Variants in KIF15 observed in about 807,000 individuals in gnomAD.
KIF15 encodes the protein kinesin-like protein KIF15.
Under a neutral mutation model 190.6 loss-of-function variants are expected in KIF15, and 140 were observed. The ratio of observed to expected loss-of-function variants is 0.73; its 90% CI spans 0.64 to 0.84. The LOEUF is 0.84. Among genes scored for constraint, KIF15 ranks in the 40% least tolerant of loss-of-function variants. KIF15 has a pLI of 0.00. For synonymous variants in KIF15, 528 were observed against 551.3 expected, an observed-to-expected ratio of 0.96 and a Z score of 0.59; for missense variants, 1,372 against 1,584.4, an observed-to-expected ratio of 0.87 and a Z score of 2.28.
rs994784719 is a variant in KIF15, at chr3:44,829,868, A to G, written c.2944-103A>G. ...ACATACGATCTTTTACTAAAATAAA[A>G]TTGACTTATATTGCCATTAGGAAAG... On this transcript the variant is annotated intron_variant, in intron 24 of 34. Transcript: ENST00000326047. 6 of 335,692 alleles carry G rather than the reference A, an allele frequency of 1.8e-5. No individual in the cohort carries two copies. The Admixed American group carries it at 2.6e-4, about 14-fold the overall frequency. 20.8% of individuals were successfully genotyped at this position (335,692 alleles called of 1,614,324 possible).
intron 17 of KIF15, 78 bp from the exon 18 acceptor site, chr3:44,812,104 T>C: frequency 9.1e-7 from 1 of 1,093,772 alleles, no homozygotes; most frequent in South Asian, 1.4e-5. Flanking sequence ...TTGTTGTCTC[T>C]TTAATGCAGA....
intron 6 of KIF15, chr3:44,865,137 A>G (rs1699307686): frequency 6.2e-7 from 1 of 1,614,132 alleles, no homozygotes; most frequent in Non-Finnish European, 8.5e-7. Context: ...ATCCACAGGA[A>G]GCTCCCACCC....
At chr3:44,796,512 A>G (rs1706984234) in intron 8 of KIF15, among the ~76,000 whole-genome samples, 1 of 152,220 alleles carries the variant, frequency 6.6e-6, no homozygotes, top group South Asian at 2.1e-4. Flanking sequence ...CAGCTAATAA[A>G]GGTAGAGCTG....
At chr3:44,799,623 A>G (rs1482471241) in intron 10 of KIF15, among the ~76,000 whole-genome samples, 1 of 147,126 alleles carries the variant, frequency 6.8e-6, no homozygotes, top group Non-Finnish European at 1.5e-5. Context: ...AGTGGCGCAC[A>G]TGTGTGACCT....
intron 7 of KIF15, among the ~76,000 whole-genome samples, chr3:44,790,009 A>G (rs1356850541): frequency 6.6e-6 from 1 of 152,134 alleles, no homozygotes; most frequent in East Asian, 1.9e-4. Context: ...GATGGCAGTC[A>G]TGGTGTTGGG....
Position 44,774,436 on chromosome 3 carries a change from A to C in KIF15, c.61A>C (p.Ser21Arg). 6.2e-7 allele frequency: 1 copy of C among 1,612,492 alleles called. No individual in the cohort carries two copies. The highest frequency in any genetic ancestry group is 8.5e-7 in the Non-Finnish European group (1 of 1,178,858). ...SVTNGQSNQP[S>R]NEGDAIKVFV... ...GACAAATGGTCAGTCTAACCAACCA[A>C]GGTAAGGAGAAAAATATTCTCAATG... The change falls in exon 2 of 35, where the codon AGT becomes CGT. Residue 21 changes from serine (S) to arginine (R), a missense_variant and splice_region_variant. Coordinates refer to ENST00000326047, the MANE Select transcript of KIF15 (RefSeq NM_020242.3).
At chr3:44,792,147 A>C (rs1410569972) in intron 7 of KIF15, among the ~76,000 whole-genome samples, 1 of 152,168 alleles carries the variant, frequency 6.6e-6, no homozygotes, top group Non-Finnish European at 1.5e-5. Context: ...TTAATGTTAT[A>C]AAAAGAAAGC....
chr3:44,850,720 T>TC (rs140597076), intron 32 of KIF15, among the ~76,000 whole-genome samples: 1,776 of 152,312 alleles, frequency 0.012, 32 homozygotes, highest in African/African-American at 0.039. Context: ...CCCCAGACTG[T>TC]CCTTCTGAGA....
chr3:44,797,449 C>A, intron 8 of KIF15, 102 bp from the exon 9 acceptor site: 1 of 1,187,412 alleles, frequency 8.4e-7, no homozygotes. Context: ...CCCTGACTTG[C>A]CTTTTCATCC....
chr3:44,809,120 C>T (rs1301235710), intron 16 of KIF15, among the ~76,000 whole-genome samples: 2 of 152,162 alleles, frequency 1.3e-5, no homozygotes, highest in African/African-American at 4.8e-5. Context: ...CAGCACTGTC[C>T]GCAGGAACTG....
chr3:44,838,044 A>G (rs190485449), intron 26 of KIF15, among the ~76,000 whole-genome samples: 110 of 152,320 alleles, frequency 7.2e-4, no homozygotes, highest in African/African-American at 2.6e-3. Context: ...GAGTACAGTT[A>G]AACCTCAATT....
At chr3:44,835,564 C>A (rs1352577800) in intron 26 of KIF15, among the ~76,000 whole-genome samples, 1 of 152,014 alleles carries the variant, frequency 6.6e-6, no homozygotes, top group African/African-American at 2.4e-5. Flanking sequence ...GTATAAAAAA[C>A]TGATGATTTT....
chr3:44,861,840 T>A, intron 6 of KIF15: 1 of 1,381,506 alleles, frequency 7.2e-7, no homozygotes, highest in Non-Finnish European at 9.8e-7. Context: ...CACAGGAGCG[T>A]CGCGTCACGT....
At chr3:44,821,316 T>C (rs1487914116) in intron 20 of KIF15, among the ~76,000 whole-genome samples, 3 of 149,768 alleles carry the variant, frequency 2.0e-5, no homozygotes, top group South Asian at 2.1e-4. Flanking sequence ...GACCCCCACC[T>C]CCTTCCTGGA....
At chr3:44,792,748 G>A (rs1019397478) in intron 7 of KIF15, among the ~76,000 whole-genome samples, 4 of 152,016 alleles carry the variant, frequency 2.6e-5, no homozygotes, top group Admixed American at 6.5e-5. Context: ...GGGTTTCACC[G>A]TGTTAGCCAG....
chr3:44,799,558 CA>C (rs1707159562), intron 10 of KIF15, among the ~76,000 whole-genome samples: 1 of 149,698 alleles, frequency 6.7e-6, no homozygotes, highest in Non-Finnish European at 1.5e-5. Context: ...TTTAATTAAT[CA>C]ACTTTTTTTT....
chr3:44,812,306 A>G lies in KIF15; in HGVS notation c.2277+17A>G, dbSNP rs771022417. 10 of 1,568,682 alleles carry G rather than the reference A, an allele frequency of 6.4e-6. No homozygotes were observed. Among genetic ancestry groups the G allele is most frequent in the Admixed American group, 1.7e-5 (1 of 59,090 alleles). ...ATGCAGGAGGTGAGACCAAGAGCAC[A>G]GCCTCAGAAAATGTATGAAGTACCC... On this transcript the variant is annotated intron_variant, in intron 18 of 34. Transcript: ENST00000326047.
At chr3:44,829,796 A>G (rs568983487) in intron 24 of KIF15, among the ~76,000 whole-genome samples, 175 bp from the exon 25 acceptor site, 2 of 144,292 alleles carry the variant, frequency 1.4e-5, no homozygotes, top group East Asian at 3.9e-4. Flanking sequence ...ATATATGCAT[A>G]TATAATATAT....
In KIF15 at chr3:44,838,349, C is replaced by T; in HGVS notation, c.3246C>T (p.His1082=). ...LNMLTEASKK[H]SGLLQSAQEE... The stretch of plus-strand genomic sequence containing the variant: ...TGCTCACAGAGGCCTCAAAAAAACA[C>T]TCGGGGCTGCTGCAGTCTGCCCAGG... Residue 1082 remains histidine, a synonymous_variant, in exon 27 of 35, where the codon CAC becomes CAT. Coordinates refer to ENST00000326047, the MANE Select transcript of KIF15 (RefSeq NM_020242.3). 6.2e-7 allele frequency: 1 copy of T among 1,614,042 alleles called. No individual in the cohort carries two copies. The highest frequency in any genetic ancestry group is 8.5e-7 in the Non-Finnish European group (1 of 1,179,980).
Sources: allele counts gnomAD v4.1 joint callset (sites outside exome capture counted in the v4.1 genomes callset), GRCh38; gene constraint gnomAD v4.1.1; transcripts MANE v1.5; gene names NCBI Gene and HGNC (gene_info 2026-07-23, HGNC 2026-07-21).